CNTN5: variants seen among roughly 807,000 people sequenced by gnomAD.
CNTN5 encodes contactin-5.
Under a neutral mutation model 129.1 loss-of-function variants are expected in CNTN5, and 77 were observed. The ratio of observed to expected loss-of-function variants is 0.60; its 90% CI spans 0.50 to 0.72. The LOEUF (loss-of-function observed/expected upper bound fraction) is 0.72. CNTN5 is among the 30% of genes least tolerant of loss of function. The pLI is 0.00. For synonymous variants in CNTN5, 509 were observed against 465.6 expected (o/e 1.09, Z -1.20); for missense variants, 1,478 against 1,328.8 (o/e 1.11, Z -1.75).
intron 13 of CNTN5, among the ~76,000 whole-genome samples, chr11:100,128,213 T>G (rs1946258175): frequency 6.6e-6 from 1 of 152,142 alleles, no homozygotes; most frequent in Non-Finnish European, 1.5e-5. Context: ...AATCTCAACC[T>G]CATTCCTAAA....
chr11:99,860,138 T>G (rs899062287), intron 6 of CNTN5, among the ~76,000 whole-genome samples: 1 of 152,208 alleles, frequency 6.6e-6, no homozygotes, highest in Admixed American at 6.5e-5. Context: ...GCTGCTTGTT[T>G]GTATTCTTTT....
At chr11:99,938,345 C>A (rs970911519) in intron 7 of CNTN5, among the ~76,000 whole-genome samples, 4 of 152,196 alleles carry the variant, frequency 2.6e-5, no homozygotes, top group African/African-American at 9.6e-5. Context: ...AATATTATTG[C>A]AAATAATAGA....
chr11:100,019,959 A>G (rs928886865), intron 9 of CNTN5, among the ~76,000 whole-genome samples: 1 of 151,874 alleles, frequency 6.6e-6, no homozygotes, highest in African/African-American at 2.4e-5. Flanking sequence ...AGAACTGTCT[A>G]TTCAATCCTT....
chr11:99,394,701 T>G (rs1400454168), intron 2 of CNTN5, among the ~76,000 whole-genome samples: 1 of 151,458 alleles, frequency 6.6e-6, no homozygotes, highest in Non-Finnish European at 1.5e-5. Context: ...CTCTCACCCT[T>G]CATCCTCTGA....
At chr11:99,849,482 G>T (rs992054205) in intron 6 of CNTN5, among the ~76,000 whole-genome samples, 3 of 151,860 alleles carry the variant, frequency 2.0e-5, no homozygotes, top group Non-Finnish European at 2.9e-5. Context: ...ATAACAGCTT[G>T]CCTTCCTGCT....
intron 23 of CNTN5, among the ~76,000 whole-genome samples, chr11:100,342,849 T>C (rs116386594): frequency 0.011 from 1,603 of 152,236 alleles, 25 homozygotes; most frequent in African/African-American, 0.037. Context: ...GGAAAAAATA[T>C]CACTGGCCAC....
At chr11:99,913,028 A>C (rs11221886) in intron 6 of CNTN5, among the ~76,000 whole-genome samples, 150,962 of 152,098 alleles carry the variant, frequency 0.99, 74,931 homozygotes, top group Middle Eastern at 1. Context: ...AATTCAAGCC[A>C]ATATCTATAA....
chr11:100,152,770 C>G (rs1305027296), intron 13 of CNTN5, among the ~76,000 whole-genome samples: 1 of 151,992 alleles, frequency 6.6e-6, no homozygotes, highest in Non-Finnish European at 1.5e-5. Context: ...AATGTCTACT[C>G]TGTATGAGTA....
intron 2 of CNTN5, among the ~76,000 whole-genome samples, chr11:99,551,332 T>C (rs1195861778): frequency 6.6e-6 from 1 of 152,202 alleles, no homozygotes; most frequent in African/African-American, 2.4e-5. Flanking sequence ...GGTTTTTTAT[T>C]AACTCAGTAC....
At chr11:99,198,824 C>T (rs1859030375) in intron 1 of CNTN5, among the ~76,000 whole-genome samples, 1 of 152,070 alleles carries the variant, frequency 6.6e-6, no homozygotes, top group Non-Finnish European at 1.5e-5. Context: ...TTTTTTGAGA[C>T]TGTCACTAAC....
intron 2 of CNTN5, among the ~76,000 whole-genome samples, chr11:99,479,272 T>A (rs975653831): frequency 2.7e-4 from 41 of 151,886 alleles, no homozygotes; most frequent in African/African-American, 9.9e-4. Context: ...CACACTTTTT[T>A]TTTTACTATT....
chr11:99,508,882 G>C (rs1946729245), intron 2 of CNTN5, among the ~76,000 whole-genome samples: 1 of 151,772 alleles, frequency 6.6e-6, no homozygotes, highest in South Asian at 2.1e-4. Flanking sequence ...GGTTTCACCA[G>C]ATTGGCCAGG....
At chr11:99,460,369 A>C (rs1031766188) in intron 2 of CNTN5, among the ~76,000 whole-genome samples, 7 of 151,958 alleles carry the variant, frequency 4.6e-5, no homozygotes, top group Non-Finnish European at 8.8e-5. Flanking sequence ...CACATTTCTC[A>C]TGAGTTAAGA....
chr11:99,196,818 T>C (rs1310710746), intron 1 of CNTN5, among the ~76,000 whole-genome samples: 1 of 151,842 alleles, frequency 6.6e-6, no homozygotes, highest in Non-Finnish European at 1.5e-5. Context: ...AATATGAAGA[T>C]TAAATTATAA....
chr11:99,701,717 C>A (rs1954528222), intron 3 of CNTN5, among the ~76,000 whole-genome samples: 1 of 150,566 alleles, frequency 6.6e-6, no homozygotes, highest in Non-Finnish European at 1.5e-5. Context: ...TATAATAAAC[C>A]TGTACTGCTT....
chr11:99,763,629 A>G (rs1944658971), intron 3 of CNTN5, among the ~76,000 whole-genome samples: 2 of 152,060 alleles, frequency 1.3e-5, no homozygotes. Context: ...AGGTACACCC[A>G]CCTCATTAAG....
chr11:99,313,251 T>G (rs981092336), intron 1 of CNTN5, among the ~76,000 whole-genome samples: 8 of 152,070 alleles, frequency 5.3e-5, no homozygotes, highest in Non-Finnish European at 1.2e-4. Flanking sequence ...TACGTCATGA[T>G]TCAGGAGTAA....
At position 99,766,166 on chromosome 11, in the gene CNTN5, C is replaced by A. The variant is rs368953215; in HGVS notation, c.56-53378C>A. Among the ~76,000 whole-genome samples, 4 of 152,040 alleles carry A rather than the reference C, an allele frequency of 2.6e-5. No individual in the cohort carries two copies. The South Asian group carries it at 6.2e-4, about 24-fold the overall frequency. On this transcript the variant is annotated intron_variant, in intron 3 of 24. Coordinates refer to ENST00000524871, the MANE Select transcript of CNTN5 (RefSeq NM_014361.4). Reference sequence around the variant, plus strand: ...AAATTTTAACTTCATAGCTATACATCGTATGATAAACGTTTATTTAAACTA... The same window carrying A: ...AAATTTTAACTTCATAGCTATACATAGTATGATAAACGTTTATTTAAACTA...
At position 100,185,903 on chromosome 11, in the gene CNTN5, T is replaced by C. The variant is rs1411045200; in HGVS notation, c.1581-5223T>C. Among the ~76,000 whole-genome samples, 4 of 152,154 alleles carry C rather than the reference T, an allele frequency of 2.6e-5. No homozygotes were observed. The South Asian group carries it at 8.3e-4, about 32-fold the overall frequency. ...ATTTTGGACTGTCCAGTCTTCAGAA[T>C]TGTGAGGAAATAAATTTCTGTTGTT... On this transcript the variant is annotated intron_variant, in intron 13 of 24. Coordinates refer to ENST00000524871, the MANE Select transcript of CNTN5 (RefSeq NM_014361.4).
Sources: gnomAD v4.1 joint callset for allele counts (sites outside exome capture counted in the v4.1 genomes callset) on GRCh38, gnomAD v4.1.1 for gene constraint, MANE v1.5 for transcripts, NCBI Gene and HGNC (gene_info 2026-07-23, HGNC 2026-07-21) for gene names.